EPB41L2: variants seen among roughly 807,000 people sequenced by gnomAD.
EPB41L2 encodes erythrocyte membrane protein band 4.1 like 2.
Under a neutral mutation model 113.0 loss-of-function variants are expected in EPB41L2, and 43 were observed. The ratio of observed to expected loss-of-function variants is 0.38; its 90% confidence interval spans 0.30 to 0.49. EPB41L2 has a LOEUF of 0.49. Among genes scored for constraint, EPB41L2 ranks in the 20% least tolerant of loss-of-function variants. The pLI is 0.95. For synonymous variants in EPB41L2, 442 were observed against 436.7 expected, an observed-to-expected ratio of 1.01 and a Z score of -0.15; for missense variants, 1,147 against 1,223.4, an observed-to-expected ratio of 0.94 and a Z score of 0.93.
rs369365927 is a variant in EPB41L2, at chr6:130,866,882, T to C, written c.2730+577A>G. Among the ~76,000 whole-genome samples, 8 of 152,300 alleles carry C rather than the reference T, an allele frequency of 5.3e-5. No individual in the cohort carries two copies. In the South Asian group the frequency reaches 1.7e-3, roughly 32 times the overall value. On this transcript the variant is annotated intron_variant, in intron 16 of 19. Transcript: ENST00000337057. ...CAAATCTGATAATTATTTAGACACA[T>C]GGTATCACCATTCACATATGAATGA...
At chr6:130,900,909 G>A in intron 7 of EPB41L2, 53 bp downstream of exon 7, 1 of 1,578,624 alleles carries the variant, frequency 6.3e-7, no homozygotes, top group Non-Finnish European at 8.7e-7. Flanking sequence ...TGCTACAAGA[G>A]AAGCTATTTA....
rs141421702 is a variant in EPB41L2, at chr6:130,879,555, T to C, written c.1896+589A>G. Reference sequence around the variant, plus strand: ...GGGGAACATATTTTACACTTTACATTCATAATTGGGTGATTGGGCTTTCTT... The same window carrying C: ...GGGGAACATATTTTACACTTTACATCCATAATTGGGTGATTGGGCTTTCTT... On this transcript the variant is annotated intron_variant, in intron 13 of 19. Coordinates refer to ENST00000337057, the MANE Select transcript of EPB41L2 (RefSeq NM_001431.4). 1.4e-3 allele frequency among the ~76,000 whole-genome samples: 210 copies of C among 152,304 alleles called. 2 individuals are homozygous for C. The highest frequency in any genetic ancestry group is 4.7e-3 in the African/African-American group (197 of 41,566).
At chr6:130,991,282 C>T (rs1333290893) in intron 1 of EPB41L2, among the ~76,000 whole-genome samples, 1 of 152,180 alleles carries the variant, frequency 6.6e-6, no homozygotes, top group African/African-American at 2.4e-5. Context: ...TGTCCTCTTC[C>T]ACACACACAA....
At chr6:130,914,295 T>C (rs573791959) in intron 4 of EPB41L2, among the ~76,000 whole-genome samples, 1 of 152,366 alleles carries the variant, frequency 6.6e-6, no homozygotes, top group South Asian at 2.1e-4. Flanking sequence ...TATATATATC[T>C]TCTTCACATA....
intron 1 of EPB41L2, among the ~76,000 whole-genome samples, chr6:131,002,881 A>G (rs1471911585): frequency 1.5e-4 from 23 of 152,216 alleles, no homozygotes; most frequent in Admixed American, 1.4e-3. Flanking sequence ...CTCGGGGTCA[A>G]TGATCTTTTA....
intron 13 of EPB41L2, 78 bp downstream of exon 13, chr6:130,880,066 G>A: frequency 1.9e-6 from 2 of 1,074,124 alleles, no homozygotes; most frequent in East Asian, 2.4e-5. Flanking sequence ...AACATTGCCA[G>A]CCAGCCTAGG....
Position 130,844,971 on chromosome 6 carries a change from G to A in EPB41L2, c.*6-4373C>T, listed in dbSNP as rs181059127. On this transcript the variant is annotated intron_variant, in intron 19 of 19. Coordinates refer to ENST00000337057, the MANE Select transcript of EPB41L2 (RefSeq NM_001431.4). ...GCAGGAGAATCGCTTGAACCCACGA[G>A]GCAGAAGTTGCAGTGAGCTGAGATC... Among the ~76,000 whole-genome samples, 393 of 152,164 alleles carry A rather than the reference G, an allele frequency of 2.6e-3. 4 individuals are homozygous for A. Among genetic ancestry groups the A allele is most frequent in the Middle Eastern group, 0.01 (3 of 290 alleles).
At chr6:130,998,494 T>C (rs1562697314) in intron 1 of EPB41L2, among the ~76,000 whole-genome samples, 1 of 151,968 alleles carries the variant, frequency 6.6e-6, no homozygotes, top group Non-Finnish European at 1.5e-5. Context: ...ATGATGAGAG[T>C]TAGGATTAAT....
chr6:130,978,438 C>T (rs1346166970), intron 1 of EPB41L2, among the ~76,000 whole-genome samples: 1 of 152,148 alleles, frequency 6.6e-6, no homozygotes, highest in Non-Finnish European at 1.5e-5. Context: ...ACTTTATTAG[C>T]TCTCCATAAT....
intron 14 of EPB41L2, among the ~76,000 whole-genome samples, chr6:130,875,856 G>GA (rs1296500232): frequency 3.3e-5 from 5 of 151,884 alleles, no homozygotes; most frequent in Admixed American, 1.3e-4. Context: ...AAATTAGCCA[G>GA]ACTTGGTAGC....
At chr6:131,049,091 A>G (rs1482969800) in intron 1 of EPB41L2, among the ~76,000 whole-genome samples, 1 of 152,248 alleles carries the variant, frequency 6.6e-6, no homozygotes, top group Non-Finnish European at 1.5e-5. Flanking sequence ...TGCACCACAT[A>G]TGCAGCCCAC....
intron 3 of EPB41L2, among the ~76,000 whole-genome samples, chr6:130,935,602 A>C (rs895975846): frequency 6.6e-6 from 1 of 152,270 alleles, no homozygotes; most frequent in Non-Finnish European, 1.5e-5. Context: ...CACTGTCAAT[A>C]ACAGTTGAAG....
chr6:130,867,304 A>G (rs1345846843), intron 16 of EPB41L2, among the ~76,000 whole-genome samples, 155 bp downstream of exon 16: 1 of 152,238 alleles, frequency 6.6e-6, no homozygotes, highest in Admixed American at 6.5e-5. Flanking sequence ...CTAAGAGAAC[A>G]TAGCAAATTA....
Position 130,955,216 on chromosome 6 carries a change from C to G in EPB41L2, c.594G>C (p.Gln198His). The change falls in exon 3 of 20, where the codon CAG (glutamine) becomes CAC (histidine). Residue 198 changes from glutamine (Q) to histidine (H), a missense_variant. Coordinates refer to ENST00000337057, the MANE Select transcript of EPB41L2 (RefSeq NM_001431.4). ...GAAKRETKEV[Q>H]TNELKAEKAS... ...CCTTCTCTGCTTTCAGCTCATTGGT[C>G]TGCACTTCCTTGGTCTCCCTTTTTG... 1 of 1,614,130 alleles carries G rather than the reference C, an allele frequency of 6.2e-7. No individual in the cohort carries two copies. The highest frequency in any genetic ancestry group is 1.1e-5 in the South Asian group (1 of 91,074).
chr6:130,963,748 C>A (rs748353760), intron 1 of EPB41L2, among the ~76,000 whole-genome samples: 1 of 152,166 alleles, frequency 6.6e-6, no homozygotes, highest in African/African-American at 2.4e-5. Context: ...CAACCAGAGG[C>A]CATATATAAA....
intron 11 of EPB41L2, among the ~76,000 whole-genome samples, chr6:130,888,283 A>G (rs542811290): frequency 1.3e-5 from 2 of 152,202 alleles, no homozygotes; most frequent in South Asian, 2.1e-4. Context: ...AAAGCCTCCT[A>G]TTTTTCACAA....
At chr6:130,995,968 C>T (rs1472535263) in intron 1 of EPB41L2, among the ~76,000 whole-genome samples, 2 of 152,162 alleles carry the variant, frequency 1.3e-5, no homozygotes, top group African/African-American at 4.8e-5. Flanking sequence ...GATAAGGAAA[C>T]TTGTTTTTCC....
intron 4 of EPB41L2, among the ~76,000 whole-genome samples, chr6:130,915,612 A>G (rs2128526040): frequency 6.6e-6 from 1 of 152,294 alleles, no homozygotes; most frequent in African/African-American, 2.4e-5. Flanking sequence ...TGATTAATAT[A>G]TAAATAAAAA....
Position 130,888,476 on chromosome 6 carries a change from T to C in EPB41L2, c.1660+1818A>G, listed in dbSNP as rs532644173. ...GCCCATACAAGATGGTGGATTTCCT[T>C]GAGCACAGTTTGTATACCTCAAAGA... On this transcript the variant is annotated intron_variant, in intron 11 of 19. Transcript: ENST00000337057. Among the ~76,000 whole-genome samples, 4 of 152,346 alleles carry C rather than the reference T, an allele frequency of 2.6e-5. No individual in the cohort carries two copies. In the South Asian group the frequency reaches 8.3e-4, roughly 32 times the overall value.
Sources: gnomAD v4.1 joint callset for allele counts (sites outside exome capture counted in the v4.1 genomes callset) on GRCh38, gnomAD v4.1.1 for gene constraint, MANE v1.5 for transcripts, NCBI Gene and HGNC (gene_info 2026-07-23, HGNC 2026-07-21) for gene names.